CLDN10: variants seen among roughly 807,000 people sequenced by gnomAD.
CLDN10 encodes the protein claudin-10.
Under a neutral mutation model 22.9 loss-of-function variants are expected in CLDN10, and 15 were observed. That is an observed-to-expected ratio of 0.65 (90% CI 0.44 to 1.01). The LOEUF is 1.01. Among genes scored for constraint, CLDN10 ranks in the 50% least tolerant of loss-of-function variants. The pLI is 0.00. For missense variants in CLDN10, 247 were observed against 287.8 expected (o/e 0.86, Z 1.03); for synonymous variants, 114 against 111.4 (o/e 1.02, Z -0.15).
At chr13:95,576,289 G>GCAAT (rs1435846473) in intron 3 of CLDN10, among the ~76,000 whole-genome samples, 1 of 152,102 alleles carries the variant, frequency 6.6e-6, no homozygotes, top group African/African-American at 2.4e-5. Flanking sequence ...TGGATTCTGT[G>GCAAT]CAATCAAAAC....
upstream of CLDN10, chr13:95,552,583 G>A: frequency 5.4e-6 from 4 of 740,868 alleles, no homozygotes; most frequent in South Asian, 9.7e-5. Context: ...AAGGGACAGG[G>A]CATGGGTGTG....
At chr13:95,497,976 G>A (rs1280268416) in intron 1 of CLDN10, among the ~76,000 whole-genome samples, 1 of 152,142 alleles carries the variant, frequency 6.6e-6, no homozygotes, top group African/African-American at 2.4e-5. Flanking sequence ...ACAACAAAAA[G>A]AGAAACAATA....
At chr13:95,476,675 A>G (rs1224266084) in intron 1 of CLDN10, among the ~76,000 whole-genome samples, 1 of 152,092 alleles carries the variant, frequency 6.6e-6, no homozygotes, top group Non-Finnish European at 1.5e-5. Context: ...AACCCTGAAC[A>G]CCAGTGACAA....
At chr13:95,493,244 G>A (rs1238372860) in intron 1 of CLDN10, among the ~76,000 whole-genome samples, 1 of 151,862 alleles carries the variant, frequency 6.6e-6, no homozygotes, top group African/African-American at 2.4e-5. Context: ...ACCCAGACGG[G>A]TGCCCCTTCC....
At chr13:95,446,594 C>A (rs1223412138) in intron 1 of CLDN10, among the ~76,000 whole-genome samples, 2 of 152,208 alleles carry the variant, frequency 1.3e-5, no homozygotes, top group African/African-American at 2.4e-5. Flanking sequence ...GTAATCCCAA[C>A]ACTTTGGGAG....
At chr13:95,542,504 T>C (rs371116005) in intron 1 of CLDN10, among the ~76,000 whole-genome samples, 3 of 152,212 alleles carry the variant, frequency 2.0e-5, no homozygotes, top group African/African-American at 7.2e-5. Flanking sequence ...GAAATATGTA[T>C]GCTACATTCA....
intron 1 of CLDN10, among the ~76,000 whole-genome samples, chr13:95,459,222 T>C (rs1271945385): frequency 6.6e-6 from 1 of 152,100 alleles, no homozygotes; most frequent in Non-Finnish European, 1.5e-5. Flanking sequence ...TCCAGGTGCA[T>C]GGTGTAAGCC....
At chr13:95,501,008 T>A (rs2042978823) in intron 1 of CLDN10, among the ~76,000 whole-genome samples, 1 of 152,036 alleles carries the variant, frequency 6.6e-6, no homozygotes, top group Non-Finnish European at 1.5e-5. Flanking sequence ...TTTTTTTTAA[T>A]TCTTAATTTT....
chr13:95,571,653 T>G (rs1314885993), intron 3 of CLDN10, among the ~76,000 whole-genome samples: 2 of 152,192 alleles, frequency 1.3e-5, no homozygotes, highest in Non-Finnish European at 2.9e-5. Flanking sequence ...ATGCTGATAA[T>G]TGCTGTAGAA....
intron 1 of CLDN10, among the ~76,000 whole-genome samples, chr13:95,439,422 C>T (rs2042303934): frequency 6.6e-6 from 1 of 151,592 alleles, no homozygotes; most frequent in South Asian, 2.1e-4. Flanking sequence ...TCAACCTCTG[C>T]CTCCCAGGTT....
intron 1 of CLDN10, among the ~76,000 whole-genome samples, chr13:95,460,078 G>A (rs1174434686): frequency 6.6e-6 from 1 of 152,150 alleles, no homozygotes; most frequent in Non-Finnish European, 1.5e-5. Flanking sequence ...CTAAAGCACA[G>A]CAAGAGTCAC....
At chr13:95,494,452 A>G (rs577501946) in intron 1 of CLDN10, among the ~76,000 whole-genome samples, 3 of 152,230 alleles carry the variant, frequency 2.0e-5, no homozygotes, top group Non-Finnish European at 2.9e-5. Context: ...TCTAAGGGAT[A>G]ATTATTGATA....
At chr13:95,469,536 G>C (rs1022845304) in intron 1 of CLDN10, among the ~76,000 whole-genome samples, 6 of 152,196 alleles carry the variant, frequency 3.9e-5, no homozygotes, top group Admixed American at 2.0e-4. Flanking sequence ...AATCACCGTA[G>C]TCTACAGAGG....
chr13:95,490,336 C>T (rs991621713), intron 1 of CLDN10, among the ~76,000 whole-genome samples: 4 of 152,156 alleles, frequency 2.6e-5, no homozygotes, highest in Non-Finnish European at 5.9e-5. Context: ...AATATTAATT[C>T]TACCCATCCA....
At chr13:95,523,812 G>A (rs1166567271) in intron 1 of CLDN10, among the ~76,000 whole-genome samples, 2 of 152,152 alleles carry the variant, frequency 1.3e-5, no homozygotes, top group African/African-American at 4.8e-5. Flanking sequence ...TTTTTGGCCA[G>A]ATAACTGTTG....
At chr13:95,508,105 A>G (rs1303784919) in intron 1 of CLDN10, among the ~76,000 whole-genome samples, 1 of 152,106 alleles carries the variant, frequency 6.6e-6, no homozygotes, top group Non-Finnish European at 1.5e-5. Context: ...AATAAATAAA[A>G]TAAATAAAAA....
intron 1 of CLDN10, among the ~76,000 whole-genome samples, chr13:95,453,843 G>A (rs1460721594): frequency 1.3e-5 from 2 of 152,082 alleles, no homozygotes; most frequent in African/African-American, 2.4e-5. Flanking sequence ...CGCTGGGCAC[G>A]GTGGCTTACA....
Position 95,552,838 on chromosome 13 carries a change from T to C in CLDN10, c.85T>C (p.Tyr29His). 1 of 1,614,110 alleles carries C rather than the reference T, an allele frequency of 6.2e-7. No homozygotes were observed. Residue 29 changes from tyrosine to histidine, a missense_variant, in exon 1 of 5, where the codon TAC becomes CAC. Coordinates refer to ENST00000299339, the MANE Select transcript of CLDN10 (RefSeq NM_006984.5). ...VLVSSTLPTD[Y>H]WKVSTIDGTV... is the part of the protein sequence containing the mutation. ...GGTGTCCTCCACGCTGCCCACCGAC[T>C]ACTGGAAGGTGTCTACCATCGACGG...
At chr13:95,454,593 T>C (rs2042464557) in intron 1 of CLDN10, among the ~76,000 whole-genome samples, 1 of 152,112 alleles carries the variant, frequency 6.6e-6, no homozygotes, top group Non-Finnish European at 1.5e-5. Context: ...AGTGTCCTTT[T>C]TCTATACTCC....
Sources: gnomAD v4.1 joint callset for allele counts (sites outside exome capture counted in the v4.1 genomes callset) on GRCh38, gnomAD v4.1.1 for gene constraint, MANE v1.5 for transcripts, NCBI Gene and HGNC (gene_info 2026-07-23, HGNC 2026-07-21) for gene names.